The following MXRA5 variants were observed in gnomAD, a reference collection of about 807,000 sequenced individuals.
MXRA5 encodes matrix-remodeling-associated protein 5.
A neutral mutation model predicts 112.5 loss-of-function variants in MXRA5; 41 were observed. The observed-to-expected ratio is 0.36, with a 90% CI of 0.28 to 0.47. MXRA5 has a LOEUF of 0.47. Ranked by LOEUF, MXRA5 falls within the 20% of genes least tolerant of loss-of-function variation. The pLI, the probability that MXRA5 is intolerant of heterozygous loss-of-function variation, is 0.99. For missense variants in MXRA5, 2,150 were observed against 2,251.0 expected (o/e 0.96, Z 0.91); for synonymous variants, 862 against 900.8 (o/e 0.96, Z 0.77).
At chrX:3,338,633 TGATAGACA>T (rs2146931717) in intron 2 of MXRA5, among the ~76,000 whole-genome samples, 1 of 108,653 alleles carries the variant, frequency 9.2e-6, no homozygotes, top group African/African-American at 3.4e-5. Flanking sequence ...GATTAATAGA[TGATAGACA>T]GATAGATAGA....
Position 3,310,895 on chromosome X carries a change from G to A in MXRA5, c.7308C>T (p.Asn2436=), listed in dbSNP as rs1406106822. 3.3e-6 allele frequency: 4 copies of A among 1,211,464 alleles called. No homozygotes were observed. The highest frequency in any genetic ancestry group is 1.8e-5 in the South Asian group (1 of 56,947). ...TACCGTTGATCTTGGGTGGCTGGAC[G>A]TTGACGTGAATCCACACCGTCTTCC... is the stretch of plus-strand genomic sequence containing the variant. The part of the protein sequence containing the change: ...EDRKTVWIHV[N]VQPPKINGNP... Residue 2436 remains asparagine (N), a synonymous_variant, in exon 7 of 7, where the codon AAC becomes AAT. Coordinates refer to ENST00000217939, the MANE Select transcript of MXRA5 (RefSeq NM_015419.4).
chrX:3,311,452 TCTC>T lies in MXRA5; in HGVS notation c.6748_6750del (p.Glu2250del), dbSNP rs1383388854. 4 of 1,209,888 alleles carry T rather than the reference TCTC, an allele frequency of 3.3e-6. No homozygotes were observed. The highest frequency in any genetic ancestry group is 1.8e-5 in the African/African-American group (1 of 57,132). Reference sequence around the variant, plus strand: ...CCCCCGTAGAAGACTTTGTGGTCGTTCTCCTCCTTGTGTTCAATCTTGGCCGGT... The same window carrying T: ...CCCCCGTAGAAGACTTTGTGGTCGTTCTCCTTGTGTTCAATCTTGGCCGGT... On this transcript the variant is annotated inframe_deletion, in exon 7 of 7. Transcript: ENST00000217939.
Position 3,321,422 on chromosome X carries a change from C to A in MXRA5, c.4263G>T (p.Glu1421Asp). The A allele has an allele frequency of 8.3e-7, 1 of 1,211,535 alleles. No individual in the cohort carries two copies. The highest frequency in any genetic ancestry group is 1.1e-6 in the Non-Finnish European group (1 of 895,406). Residue 1421 changes from glutamate to aspartate, a missense_variant, in exon 5 of 7, where the codon GAG becomes GAT. Transcript: ENST00000217939. ...TGGAGACTGTCAAAGAGGACAAAAACTCGGAAGTGAAATCCACATCCTCAA... is the reference window on the plus strand; with the variant it reads ...TGGAGACTGTCAAAGAGGACAAAAAATCGGAAGTGAAATCCACATCCTCAA... Reference protein sequence around the residue: ...KELEDVDFTSEFLSSLTVSTP... With the variant: ...KELEDVDFTSDFLSSLTVSTP...
intron 4 of MXRA5, among the ~76,000 whole-genome samples, chrX:3,327,913 A>C: frequency 8.8e-6 from 1 of 113,250 alleles, no homozygotes; most frequent in African/African-American, 3.2e-5. Flanking sequence ...ACACATGTGC[A>C]CAAATACATG....
intron 2 of MXRA5, among the ~76,000 whole-genome samples, chrX:3,332,511 T>C (rs1211580496): frequency 8.9e-6 from 1 of 112,462 alleles, no homozygotes; most frequent in Non-Finnish European, 1.9e-5. Context: ...CCCAAAGTGC[T>C]GGGATTACAG....
At chrX:3,329,494 A>G (rs1921611449) in intron 4 of MXRA5, among the ~76,000 whole-genome samples, 2 of 40,316 alleles carry the variant, frequency 5.0e-5, no homozygotes, top group African/African-American at 1.4e-4. Context: ...GGCAGAAAGG[A>G]ATCACAATCT....
intron 4 of MXRA5, among the ~76,000 whole-genome samples, chrX:3,329,319 A>AAGGAAGGAATGAAGGAAAAAAGAAG (rs1921596924): frequency 1.1e-5 from 1 of 88,446 alleles, no homozygotes. Context: ...GAAGGAAAAA[A>AAGGAAGGAATGAAGGAAAAAAGAAG]GAAGGAAGGA....
chrX:3,329,116 G>A (rs1192426620), intron 4 of MXRA5, among the ~76,000 whole-genome samples: 1 of 92,542 alleles, frequency 1.1e-5, no homozygotes, highest in East Asian at 3.8e-4. Context: ...CAAGGAAGGA[G>A]TAAAGGAGGG....
At position 3,315,665 on chromosome X, in the gene MXRA5, T is replaced by C. The variant is rs1291163700; in HGVS notation, c.6578+1438A>G. On this transcript the variant is annotated intron_variant, in intron 6 of 6. Coordinates refer to ENST00000217939, the MANE Select transcript of MXRA5 (RefSeq NM_015419.4). ...TGGTTGAAAAGCACTGCCATAAACC[T>C]GTATATCTGGGAACAGATGGCACTT... 1.4e-4 allele frequency among the ~76,000 whole-genome samples: 15 copies of C among 110,809 alleles called. No individual in the cohort carries two copies. The Admixed American group carries it at 1.4e-3, about 11-fold the overall frequency.
chrX:3,345,590 C>T (rs1922088425), intron 1 of MXRA5, among the ~76,000 whole-genome samples: 2 of 113,132 alleles, frequency 1.8e-5, no homozygotes, highest in Admixed American at 9.2e-5. Flanking sequence ...AACTCGCCCC[C>T]AGACAACCCT....
chrX:3,326,879 A>C (rs1921524943), intron 4 of MXRA5, among the ~76,000 whole-genome samples: 1 of 111,544 alleles, frequency 9.0e-6, no homozygotes, highest in Non-Finnish European at 1.9e-5. Context: ...GATGACTACC[A>C]TATGTGCTTC....
chrX:3,331,884 C>T (rs1393458906), intron 2 of MXRA5, among the ~76,000 whole-genome samples: 3 of 112,118 alleles, frequency 2.7e-5, no homozygotes, highest in Non-Finnish European at 5.6e-5. Context: ...CACGCTGTTA[C>T]CATAAATCAC....
chrX:3,325,958 T>A (rs1921468482), intron 4 of MXRA5, among the ~76,000 whole-genome samples: 1 of 90,269 alleles, frequency 1.1e-5, no homozygotes, highest in African/African-American at 4.2e-5. Flanking sequence ...TTATAATATA[T>A]AATTTATAAT....
chrX:3,340,207 G>A (rs1008366744), intron 2 of MXRA5, among the ~76,000 whole-genome samples: 13 of 112,176 alleles, frequency 1.2e-4, no homozygotes, highest in Admixed American at 9.5e-4. Flanking sequence ...AAAAACAGCT[G>A]TGTGGGAATA....
chrX:3,323,913 G>A lies in MXRA5; in HGVS notation c.1772C>T (p.Pro591Leu), dbSNP rs1298431909. 2 of 1,207,192 alleles carry A rather than the reference G, an allele frequency of 1.7e-6. No homozygotes were observed. The highest frequency in any genetic ancestry group is 4.4e-5 in the Admixed American group (2 of 45,802). ...GCAAGGCAATGTCACCGACTCCCCT[G>A]GGTTCTTGCCAATTGTCACTGTGTC... ...EKDTVTIGKN[P>L]GESVTLPCNA... Residue 591 changes from proline (P) to leucine (L), a missense_variant, in exon 5 of 7, where the codon CCA (proline) becomes CTA (leucine). Physicochemically the swap from Pro to Leu is moderately conservative, Grantham distance 98. Around this residue, in one of 6 missense-constraint regions of MXRA5, gnomAD observed 1,485 missense variants for 1,471.6 expected, o/e 1.01. Coordinates refer to ENST00000217939, the MANE Select transcript of MXRA5 (RefSeq NM_015419.4).
At position 3,322,107 on chromosome X, in the gene MXRA5, G is replaced by A; in HGVS notation, c.3578C>T (p.Ser1193Leu). ...QPTQAPDIKI[S>L]SQVESSLVPT... ...AACCAGAGAACTCTCCACTTGACTT[G>A]AAATCTTAATGTCAGGTGCTTGAGT... The change falls in exon 5 of 7, where the codon TCA becomes TTA. Residue 1193 changes from serine to leucine, a missense_variant. By Grantham distance (145) the Ser-to-Leu change is moderately radical (BLOSUM62 -2). Transcript: ENST00000217939. The A allele has an allele frequency of 8.3e-7, 1 of 1,209,238 alleles. No homozygotes were observed. The highest frequency in any genetic ancestry group is 1.1e-6 in the Non-Finnish European group (1 of 894,037).
chrX:3,332,406 G>A (rs1241908826), intron 2 of MXRA5, among the ~76,000 whole-genome samples: 2 of 111,033 alleles, frequency 1.8e-5, no homozygotes, highest in Non-Finnish European at 3.8e-5. Context: ...CACCGCGCCC[G>A]GCTAATTTTT....
intron 1 of MXRA5, among the ~76,000 whole-genome samples, chrX:3,344,178 G>A (rs111417780): frequency 9.1e-6 from 1 of 109,375 alleles, no homozygotes; most frequent in Non-Finnish European, 1.9e-5. Flanking sequence ...GAGAGAGAGA[G>A]AGAGAGAAGA....
At chrX:3,340,294 A>G (rs1405307147) in intron 2 of MXRA5, among the ~76,000 whole-genome samples, 1 of 112,063 alleles carries the variant, frequency 8.9e-6, no homozygotes. Context: ...GTTAAAACAC[A>G]AATCAATCTC....
Sources: allele counts gnomAD v4.1 joint callset (sites outside exome capture counted in the v4.1 genomes callset), GRCh38; gene constraint gnomAD v4.1.1; regional missense constraint gnomAD v4.1.1; transcripts MANE v1.5; gene names NCBI Gene and HGNC (gene_info 2026-07-23, HGNC 2026-07-21).